The following PARD3 variants were observed in gnomAD, a reference collection of about 807,000 sequenced individuals.
The protein encoded by PARD3 is partitioning defective 3 homolog.
A neutral mutation model predicts 155.4 loss-of-function variants in PARD3; 75 were observed. The ratio of observed to expected loss-of-function variants is 0.48; its 90% CI spans 0.40 to 0.58. The LOEUF (loss-of-function observed/expected upper bound fraction) is 0.58, where lower values mean the gene tolerates loss of function less well. PARD3 is among the 20% of genes least tolerant of loss of function. The pLI is 0.00. For missense variants in PARD3, 1,642 were observed against 1,721.7 expected, an observed-to-expected ratio of 0.95 and a Z score of 0.82; for synonymous variants, 576 against 610.5, an observed-to-expected ratio of 0.94 and a Z score of 0.83.
intron 5 of PARD3, among the ~76,000 whole-genome samples, chr10:34,409,021 C>T (rs927699133): frequency 5.3e-5 from 8 of 152,066 alleles, no homozygotes; most frequent in African/African-American, 1.7e-4. Flanking sequence ...AATTATTCAG[C>T]GCCTGTGATG....
chr10:34,145,221 A>ATATATATAT (rs1491430560), intron 22 of PARD3, among the ~76,000 whole-genome samples: 3 of 33,970 alleles, frequency 8.8e-5, no homozygotes, highest in African/African-American at 1.4e-4. Flanking sequence ...ATATATATAT[A>ATATATATAT]TTTTTTTTTT....
chr10:34,314,967 C>T (rs1244963556), intron 20 of PARD3, among the ~76,000 whole-genome samples: 1 of 152,002 alleles, frequency 6.6e-6, no homozygotes, highest in Non-Finnish European at 1.5e-5. Context: ...TTCCACATAC[C>T]TAAAAAAGTA....
In PARD3 at chr10:34,357,534, T is replaced by C. The variant is rs73256800; in HGVS notation, c.2067+1613A>G. Among the ~76,000 whole-genome samples, 561 of 152,332 alleles carry C rather than the reference T, an allele frequency of 3.7e-3. 2 individuals carry two copies. Among genetic ancestry groups the C allele is most frequent in the African/African-American group, 0.013 (520 of 41,574 alleles). On this transcript the variant is annotated intron_variant, in intron 14 of 24. Coordinates refer to ENST00000374788, the MANE Select transcript of PARD3 (RefSeq NM_001184785.2). ...AACTTACAGTTGAGATGTTTTCATA[T>C]AGTGCTTTGTGGGACTTAAGTTAAA...
intron 7 of PARD3, among the ~76,000 whole-genome samples, chr10:34,390,014 C>T (rs1479776368): frequency 6.6e-6 from 1 of 152,050 alleles, no homozygotes; most frequent in Non-Finnish European, 1.5e-5. Flanking sequence ...TGTTATAGTT[C>T]TTTATTATAA....
chr10:34,641,164 A>AT (rs2092666770), intron 2 of PARD3, among the ~76,000 whole-genome samples: 1 of 152,172 alleles, frequency 6.6e-6, no homozygotes, highest in Non-Finnish European at 1.5e-5. Flanking sequence ...GCTTTCTATG[A>AT]TGTGACCTCC....
At chr10:34,670,207 C>G (rs1337254320) in intron 2 of PARD3, among the ~76,000 whole-genome samples, 1 of 152,256 alleles carries the variant, frequency 6.6e-6, no homozygotes, top group Non-Finnish European at 1.5e-5. Flanking sequence ...GCACACGCAC[C>G]TCTGTGCAGC....
At position 34,336,211 on chromosome 10, in the gene PARD3, C is replaced by A; in HGVS notation, c.2593G>T (p.Asp865Tyr). Residue 865 changes from aspartate to tyrosine, a missense_variant, in exon 18 of 25, where the codon GAC (aspartate) becomes TAC (tyrosine). Asp to Tyr is a radical substitution (Grantham distance 160). Coordinates refer to ENST00000374788, the MANE Select transcript of PARD3 (RefSeq NM_001184785.2). Reference sequence around the variant, plus strand: ...TGTCCATTCTTACCTGCTTTCTGGTCATCCACTGTATTGAGTTTAGTCTCG... The same window carrying A: ...TGTCCATTCTTACCTGCTTTCTGGTAATCCACTGTATTGAGTTTAGTCTCG... ...ADETKLNTVDDQKAGSPSRDV... is the reference protein window; with the variant it reads ...ADETKLNTVDYQKAGSPSRDV... 1 of 1,612,336 alleles carries A rather than the reference C, an allele frequency of 6.2e-7. No homozygotes were observed. The highest frequency in any genetic ancestry group is 8.5e-7 in the Non-Finnish European group (1 of 1,178,638).
chr10:34,476,099 G>A (rs1709359716), intron 3 of PARD3, among the ~76,000 whole-genome samples: 1 of 151,446 alleles, frequency 6.6e-6, no homozygotes, highest in Admixed American at 6.6e-5. Flanking sequence ...GGCCAAGCTG[G>A]GCAACACAGT....
chr10:34,316,868 T>C (rs1181301711), intron 20 of PARD3, among the ~76,000 whole-genome samples: 1 of 152,162 alleles, frequency 6.6e-6, no homozygotes. Context: ...AAGATAATGT[T>C]TTCAAATCTG....
At chr10:34,262,920 T>A (rs1955097725) in intron 22 of PARD3, among the ~76,000 whole-genome samples, 1 of 152,212 alleles carries the variant, frequency 6.6e-6, no homozygotes, top group African/African-American at 2.4e-5. Context: ...CCATCTGGAA[T>A]GCCTTATCCT....
chr10:34,796,947 T>G (rs540950496), intron 1 of PARD3, among the ~76,000 whole-genome samples: 30 of 152,308 alleles, frequency 2.0e-4, no homozygotes, highest in Middle Eastern at 6.8e-3. Context: ...ATCGTGCCAC[T>G]GCACTCCAGC....
chr10:34,467,336 T>C (rs1462269574), intron 4 of PARD3, among the ~76,000 whole-genome samples: 1 of 142,232 alleles, frequency 7.0e-6, no homozygotes, highest in Admixed American at 6.8e-5. Flanking sequence ...AACTTGTGTG[T>C]GTGTGTGTGT....
chr10:34,756,145 T>C (rs1836692488), intron 1 of PARD3, among the ~76,000 whole-genome samples: 1 of 132,104 alleles, frequency 7.6e-6, no homozygotes, highest in African/African-American at 2.7e-5. Context: ...GGCAAAAAAA[T>C]GCACCTTTTT....
intron 20 of PARD3, among the ~76,000 whole-genome samples, chr10:34,308,329 G>C (rs922465423): frequency 6.6e-6 from 1 of 152,194 alleles, no homozygotes; most frequent in Non-Finnish European, 1.5e-5. Context: ...AGCACAGTGA[G>C]AGGGCTACTG....
At chr10:34,433,411 C>G (rs1025591315) in intron 5 of PARD3, among the ~76,000 whole-genome samples, 4 of 152,256 alleles carry the variant, frequency 2.6e-5, no homozygotes, top group South Asian at 2.1e-4. Context: ...GAATCAAGAC[C>G]TATTTTTCTT....
chr10:34,480,904 C>T (rs1296246173), intron 3 of PARD3, among the ~76,000 whole-genome samples: 6 of 150,618 alleles, frequency 4.0e-5, no homozygotes, highest in African/African-American at 1.5e-4. Context: ...CAGGTTCAAG[C>T]TCTTCTCCTG....
chr10:34,303,219 G>A (rs963092994), intron 20 of PARD3, among the ~76,000 whole-genome samples: 4 of 133,992 alleles, frequency 3.0e-5, no homozygotes, highest in Admixed American at 2.3e-4. Context: ...AATGTGTTCT[G>A]CCTAAGTGAT....
chr10:34,484,918 A>G (rs984754403), intron 3 of PARD3, among the ~76,000 whole-genome samples: 7 of 152,192 alleles, frequency 4.6e-5, no homozygotes, highest in African/African-American at 1.4e-4. Flanking sequence ...TGTGTTTGCC[A>G]TGCTGCCCTC....
chr10:34,129,700 CT>C lies in PARD3; in HGVS notation c.3540+1762del, dbSNP rs1209547388. Among the ~76,000 whole-genome samples the C allele has an allele frequency of 8.8e-3, 728 of 82,982 alleles. 6 individuals are homozygous for C. The highest frequency in any genetic ancestry group is 0.03 in the African/African-American group (649 of 21,644). The allele number at this position is 82,982 out of a possible 152,430, so 54.4% of individuals were successfully genotyped here. On this transcript the variant is annotated intron_variant, in intron 23 of 24. Transcript: ENST00000374788. ...CCTTTTTTTTTGTAATGTCAAGCCTCTTTTTTTTTTTTTTTTTTGAGCCAGG... is the reference window on the plus strand; with the variant it reads ...CCTTTTTTTTTGTAATGTCAAGCCTCTTTTTTTTTTTTTTTTTGAGCCAGG...
Sources: gnomAD v4.1 joint callset for allele counts (sites outside exome capture counted in the v4.1 genomes callset) on GRCh38, gnomAD v4.1.1 for gene constraint, MANE v1.5 for transcripts, NCBI Gene and HGNC (gene_info 2026-07-23, HGNC 2026-07-21) for gene names.